The following CEP104 variants were observed in gnomAD, a reference collection of about 807,000 sequenced individuals.
The protein encoded by CEP104 is centrosomal protein 104.
Under a neutral mutation model 113.3 loss-of-function variants are expected in CEP104, and 84 were observed. That is an observed-to-expected ratio of 0.74 (90% confidence interval 0.62 to 0.89). The LOEUF (loss-of-function observed/expected upper bound fraction) is 0.89. Ranked by LOEUF, CEP104 falls within the 40% of genes least tolerant of loss-of-function variation. CEP104 has a pLI of 0.00. For missense variants in CEP104, 1,053 were observed against 1,156.6 expected (o/e 0.91, Z 1.30); for synonymous variants, 378 against 421.7 (o/e 0.90, Z 1.27).
intron 16 of CEP104, 106 bp downstream of exon 16, chr1:3,826,602 C>T: frequency 7.2e-7 from 1 of 1,391,720 alleles, no homozygotes; most frequent in South Asian, 1.2e-5. Context: ...GTGATACTTG[C>T]TGAATGGACA....
At chr1:3,841,732 G>A (rs1033229697) in intron 6 of CEP104, among the ~76,000 whole-genome samples, 3 of 152,220 alleles carry the variant, frequency 2.0e-5, no homozygotes, top group African/African-American at 4.8e-5. Context: ...AACCCCGGGC[G>A]TGGGGCAGGA....
intron 21 of CEP104, among the ~76,000 whole-genome samples, chr1:3,815,835 C>T (rs561839399): frequency 6.6e-6 from 1 of 152,208 alleles, no homozygotes; most frequent in African/African-American, 2.4e-5. Flanking sequence ...CTATAGGTGC[C>T]GGCCACTGTG....
chr1:3,830,188 C>T (rs945031779), intron 13 of CEP104, among the ~76,000 whole-genome samples, 191 bp from the exon 14 acceptor site: 4 of 151,998 alleles, frequency 2.6e-5, no homozygotes, highest in African/African-American at 9.7e-5. Flanking sequence ...ACTTTCATCA[C>T]GCTTGTTTTG....
At position 3,823,231 on chromosome 1, in the gene CEP104, C is replaced by A. The variant is rs578262183; in HGVS notation, c.2514G>T (p.Pro838=). The A allele has an allele frequency of 6.2e-7, 1 of 1,614,148 alleles. No individual in the cohort carries two copies. The highest frequency in any genetic ancestry group is 1.3e-5 in the African/African-American group (1 of 75,048). Residue 838 remains proline, a synonymous_variant, in exon 20 of 22, where the codon CCG becomes CCT. Coordinates refer to ENST00000378230, the MANE Select transcript of CEP104 (RefSeq NM_014704.4). The surrounding 1 kb of genome is among the most constrained non-coding windows in gnomAD (Gnocchi z 4.1). The stretch of plus-strand genomic sequence containing the variant: ...GGGGACACCGGTTTGCCAGCTTCTC[C>A]GGTTTGGCAGCTGAAATGATTTTAA... ...IKHKDCNPAK[P]EKLANRCPLC...
chr1:3,841,637 G>A (rs1039215554), intron 6 of CEP104, among the ~76,000 whole-genome samples: 48 of 152,250 alleles, frequency 3.2e-4, no homozygotes, highest in East Asian at 3.9e-4. Flanking sequence ...AACCCCCAGC[G>A]GCAATGACCG....
intron 1 of CEP104, among the ~76,000 whole-genome samples, chr1:3,855,570 C>G (rs769188827): frequency 1.3e-5 from 2 of 152,076 alleles, no homozygotes; most frequent in African/African-American, 2.4e-5. Flanking sequence ...TATACTGCCC[C>G]CAACAAATCT....
Position 3,852,296 on chromosome 1 carries a change from T to C in CEP104, c.112A>G (p.Arg38Gly). ...AGCCCCGCCCCGTCCAGTCCTCACC[T>C]AGGTGACCGCCACCCACTGACAGTT... ...APTVSGWRSP[R>G]FCQFPQEIVL... is the part of the protein sequence containing the mutation. The change falls in exon 2 of 22, where the codon AGA (arginine) becomes GGA (glycine). Residue 38 changes from arginine to glycine, a missense_variant and splice_region_variant. Transcript: ENST00000378230. 1 of 1,612,714 alleles carries C rather than the reference T, an allele frequency of 6.2e-7. No homozygotes were observed. The highest frequency in any genetic ancestry group is 8.5e-7 in the Non-Finnish European group (1 of 1,179,476).
At position 3,836,582 on chromosome 1, in the gene CEP104, C is replaced by T; in HGVS notation, c.1230G>A (p.Arg410=). The part of the protein sequence containing the change: ...MSNADISDAR[R]GGMLGEPEPL... ...GCTCTGGCTCCCCTAACATGCCTCC[C>T]CTCCGAGCATCGCTGATGTCTGCAT... Residue 410 remains arginine, a synonymous_variant, in exon 10 of 22, where the codon AGG becomes AGA. Coordinates refer to ENST00000378230, the MANE Select transcript of CEP104 (RefSeq NM_014704.4). 4 of 1,613,328 alleles carry T rather than the reference C, an allele frequency of 2.5e-6. No homozygotes were observed. The highest frequency in any genetic ancestry group is 1.1e-5 in the South Asian group (1 of 91,054).
At chr1:3,831,862 T>C (rs1039611545) in intron 12 of CEP104, among the ~76,000 whole-genome samples, 3 of 152,222 alleles carry the variant, frequency 2.0e-5, no homozygotes, top group African/African-American at 4.8e-5. Flanking sequence ...TCTCTTATCG[T>C]GCTGGCCTGA....
chr1:3,850,535 C>T (rs1013933447), intron 2 of CEP104, among the ~76,000 whole-genome samples: 2 of 152,140 alleles, frequency 1.3e-5, no homozygotes, highest in African/African-American at 2.4e-5. Context: ...TCTCTTTAAC[C>T]GCCCCGTCAG....
At chr1:3,824,212 G>A (rs767807240) in intron 18 of CEP104, among the ~76,000 whole-genome samples, 1 of 152,116 alleles carries the variant, frequency 6.6e-6, no homozygotes, top group South Asian at 2.1e-4. Flanking sequence ...TCAGCCTCCC[G>A]TGTAGCTGGG....
At chr1:3,821,285 A>G (rs752785129) in intron 20 of CEP104, among the ~76,000 whole-genome samples, 37 of 152,230 alleles carry the variant, frequency 2.4e-4, no homozygotes, top group Non-Finnish European at 4.9e-4. Context: ...TAATTCACGC[A>G]TCACTAAGCA....
intron 9 of CEP104, 107 bp downstream of exon 9, chr1:3,837,185 T>C: frequency 2.3e-6 from 2 of 877,840 alleles, no homozygotes; most frequent in Non-Finnish European, 3.6e-6. Flanking sequence ...TGGGTCTGGC[T>C]GGGGAGCACT....
At chr1:3,839,223 G>A (rs891514714) in intron 7 of CEP104, 104 bp from the exon 8 acceptor site, 20 of 1,019,330 alleles carry the variant, frequency 2.0e-5, no homozygotes, top group Non-Finnish European at 2.9e-5. Flanking sequence ...GCAAGGAGAG[G>A]GAGTGAGCAC....
chr1:3,815,467 T>C lies in CEP104; in HGVS notation c.2713A>G (p.Ser905Gly). ...CCGCCCTTCGGGGTGGGGATCTTGC[T>C]TCCGGCCTTTGACCCCAAGGGGCCT... ...ASGPLGSKAG[S>G]KIPTPKGGLS... Residue 905 changes from serine (S) to glycine (G), a missense_variant, in exon 22 of 22, where the codon AGC becomes GGC. Transcript: ENST00000378230. 6.2e-7 allele frequency: 1 copy of C among 1,613,092 alleles called. No individual in the cohort carries two copies. The highest frequency in any genetic ancestry group is 8.5e-7 in the Non-Finnish European group (1 of 1,179,704).
At chr1:3,841,671 G>A (rs1644415659) in intron 6 of CEP104, among the ~76,000 whole-genome samples, 1 of 152,142 alleles carries the variant, frequency 6.6e-6, no homozygotes, top group African/African-American at 2.4e-5. Flanking sequence ...GCACAGGCCC[G>A]CACGTGCCAG....
Position 3,839,653 on chromosome 1 carries a change from A to G in CEP104, c.690T>C (p.Tyr230=). 1 of 1,613,982 alleles carries G rather than the reference A, an allele frequency of 6.2e-7. No homozygotes were observed. The highest frequency in any genetic ancestry group is 1.1e-5 in the South Asian group (1 of 91,038). Residue 230 remains tyrosine (Y), a synonymous_variant, in exon 7 of 22, where the codon TAT becomes TAC. Coordinates refer to ENST00000378230, the MANE Select transcript of CEP104 (RefSeq NM_014704.4). The part of the protein sequence containing the change: ...RKREAVQKER[Y]DYAKKLKQAI... ...CTTGTTTTAGTTTCTTGGCATAATC[A>G]TAGCGTTCCTTTTGGACAGCTTCCC...
At chr1:3,847,418 C>A in intron 4 of CEP104, 57 bp downstream of exon 4, 1 of 1,474,616 alleles carries the variant, frequency 6.8e-7, no homozygotes, top group South Asian at 1.3e-5. Flanking sequence ...TACGTGACCA[C>A]ATAATCCCAC....
intron 1 of CEP104, 81 bp from the exon 2 acceptor site, chr1:3,852,502 T>A: frequency 7.9e-7 from 1 of 1,259,846 alleles, no homozygotes; most frequent in Non-Finnish European, 1.1e-6. Flanking sequence ...GGTTCATGCC[T>A]TGCTAACACA....
Sources: gnomAD v4.1 joint callset for allele counts (sites outside exome capture counted in the v4.1 genomes callset) on GRCh38, gnomAD v4.1.1 for gene constraint, Gnocchi (gnomAD v3.1) non-coding constraint, MANE v1.5 for transcripts, NCBI Gene and HGNC (gene_info 2026-07-23, HGNC 2026-07-21) for gene names.